The following LGSN variants were observed in gnomAD, a reference collection of about 807,000 sequenced individuals.
The protein encoded by LGSN is lengsin.
Under a neutral mutation model 19.5 loss-of-function variants are expected in LGSN, and 21 were observed. The observed-to-expected ratio is 1.07, with a 90% CI of 0.76 to 1.55. The LOEUF is 1.55. Among genes scored for constraint, LGSN ranks in the 40% most tolerant of loss-of-function variants. The probability of loss-of-function intolerance (pLI) is 0.00; values close to 1 mark genes in which losing one functional copy is unlikely to be tolerated. For synonymous variants in LGSN, 257 were observed against 215.6 expected (o/e 1.19, Z -1.68); for missense variants, 673 against 608.5 (o/e 1.11, Z -1.12).
At chr6:63,522,403 C>G in the LGSN span, among the ~76,000 whole-genome samples, 1 of 151,870 alleles carries the variant, frequency 6.6e-6, no homozygotes, top group Non-Finnish European at 1.5e-5. Flanking sequence ...ATAAGTAGTC[C>G]CTGCAGGAGA....
the LGSN span, chr6:63,480,348 T>A: frequency 4.7e-6 from 1 of 212,972 alleles, no homozygotes; most frequent in African/African-American, 2.3e-5. Flanking sequence ...CTAGCAGGAA[T>A]GAAGAAAGCT....
rs533231903 is a variant in LGSN at position 63,279,771 on chromosome 6, T to G, written c.*250A>C. 1 of 332,384 alleles carries G rather than the reference T, an allele frequency of 3.0e-6. No individual in the cohort carries two copies. Among genetic ancestry groups the G allele is most frequent in the Non-Finnish European group, 5.5e-6 (1 of 182,126 alleles). 20.6% of individuals were successfully genotyped at this position (332,384 alleles called of 1,614,324 possible). ...TCCAGGTCAACATACACATAGGAAA[T>G]GACTGACAAGATCTGGTAAGTTTGC... is the stretch of plus-strand genomic sequence containing the variant. On this transcript the variant is annotated 3_prime_UTR_variant, in exon 4 of 4. Transcript: ENST00000370657.
chr6:63,331,412 A>G, the LGSN span, among the ~76,000 whole-genome samples: 4 of 152,182 alleles, frequency 2.6e-5, no homozygotes, highest in African/African-American at 9.7e-5. Context: ...GCCGTAGTGC[A>G]GAAAAAAATG....
the LGSN span, among the ~76,000 whole-genome samples, chr6:63,488,489 C>T: frequency 6.6e-6 from 1 of 152,152 alleles, no homozygotes; most frequent in African/African-American, 2.4e-5. Context: ...TCCTGCCTTC[C>T]TTTCAGCCTT....
chr6:63,457,397 C>T, the LGSN span, among the ~76,000 whole-genome samples: 2 of 151,994 alleles, frequency 1.3e-5, no homozygotes, highest in Non-Finnish European at 2.9e-5. Context: ...CCCAGCTACT[C>T]GGGAGGCTGA....
intron 1 of LGSN, among the ~76,000 whole-genome samples, chr6:63,304,957 C>T (rs1194766610): frequency 2.0e-5 from 3 of 152,176 alleles, no homozygotes; most frequent in African/African-American, 7.2e-5. Context: ...GTCACACTCT[C>T]ATCTAGGTGA....
At chr6:63,405,226 T>C in the LGSN span, among the ~76,000 whole-genome samples, 16,677 of 151,056 alleles carry the variant, frequency 0.11, 1,712 homozygotes, top group African/African-American at 0.29. Context: ...TTGGGTTGGT[T>C]CCAAGTCTTT....
the LGSN span, among the ~76,000 whole-genome samples, chr6:63,455,063 G>C: frequency 6.6e-6 from 1 of 152,074 alleles, no homozygotes; most frequent in South Asian, 2.1e-4. Flanking sequence ...AAAGTGCTGG[G>C]ATTACAGGCG....
the LGSN span, among the ~76,000 whole-genome samples, chr6:63,357,115 A>G: frequency 3.0e-4 from 45 of 151,844 alleles, no homozygotes; most frequent in Admixed American, 2.8e-3. Flanking sequence ...GTTTGCTGAG[A>G]ATGCTGGTTT....
the LGSN span, among the ~76,000 whole-genome samples, chr6:63,364,644 A>C: frequency 0.13 from 19,784 of 152,010 alleles, 2,831 homozygotes; most frequent in African/African-American, 0.36. Context: ...TTCTTCTCAG[A>C]ACCAGCTCAC....
chr6:63,497,870 G>C, the LGSN span, among the ~76,000 whole-genome samples: 1 of 148,750 alleles, frequency 6.7e-6, no homozygotes, highest in South Asian at 2.1e-4. Flanking sequence ...GAAGTTATCT[G>C]AGAAATTATT....
chr6:63,344,821 AATG>A, the LGSN span, among the ~76,000 whole-genome samples: 1 of 152,216 alleles, frequency 6.6e-6, no homozygotes, highest in Non-Finnish European at 1.5e-5. Flanking sequence ...ATACTCATAG[AATG>A]ATATTTGGCA....
intron 2 of LGSN, among the ~76,000 whole-genome samples, chr6:63,290,177 G>A (rs1450203876): frequency 6.6e-6 from 1 of 152,044 alleles, no homozygotes; most frequent in Non-Finnish European, 1.5e-5. Context: ...TATATGTATT[G>A]GTTTGCAGTT....
At chr6:63,370,702 C>T in the LGSN span, among the ~76,000 whole-genome samples, 2 of 152,188 alleles carry the variant, frequency 1.3e-5, no homozygotes, top group African/African-American at 2.4e-5. Context: ...CAGATTGGGG[C>T]AGGGCCAGAT....
the LGSN span, among the ~76,000 whole-genome samples, chr6:63,471,133 TG>T: frequency 1.1e-4 from 17 of 150,218 alleles, no homozygotes; most frequent in South Asian, 2.1e-4. Context: ...TTTTTTTGGT[TG>T]TTTTTTTTTG....
the LGSN span, among the ~76,000 whole-genome samples, chr6:63,358,773 T>G: frequency 6.6e-6 from 1 of 152,210 alleles, no homozygotes; most frequent in Admixed American, 6.5e-5. Context: ...TTATGTCACC[T>G]GCAAACAGGG....
the LGSN span, among the ~76,000 whole-genome samples, chr6:63,353,167 CAG>C: frequency 2.0e-5 from 3 of 151,970 alleles, no homozygotes; most frequent in African/African-American, 7.3e-5. Flanking sequence ...GGTTGGAAAC[CAG>C]AGAGTAGCTT....
At chr6:63,473,156 C>G in the LGSN span, among the ~76,000 whole-genome samples, 1 of 151,450 alleles carries the variant, frequency 6.6e-6, no homozygotes, top group Non-Finnish European at 1.5e-5. Context: ...CAGGGCAGAT[C>G]CCAGGAGATA....
the LGSN span, among the ~76,000 whole-genome samples, chr6:63,350,024 G>A: frequency 5.3e-5 from 8 of 152,304 alleles, no homozygotes; most frequent in Middle Eastern, 3.4e-3. Flanking sequence ...TTATTTGAAA[G>A]CATTTTAAAA....
Sources: gnomAD v4.1 joint callset for allele counts (sites outside exome capture counted in the v4.1 genomes callset) on GRCh38, gnomAD v4.1.1 for gene constraint, MANE v1.5 for transcripts, NCBI Gene and HGNC (gene_info 2026-07-23, HGNC 2026-07-21) for gene names.